POU2F1: variants seen among roughly 807,000 people sequenced by gnomAD.
POU2F1 encodes POU domain, class 2, transcription factor 1.
Under a neutral mutation model 84.9 loss-of-function variants are expected in POU2F1, and 16 were observed. The observed-to-expected ratio is 0.19, with a 90% confidence interval of 0.13 to 0.29. The LOEUF (loss-of-function observed/expected upper bound fraction) is 0.29, where lower values mean the gene tolerates loss of function less well. POU2F1 is among the 10% of genes least tolerant of loss of function. The pLI is 1.00. For synonymous variants in POU2F1, 368 were observed against 368.3 expected (o/e 1.00, Z 0.01); for missense variants, 738 against 942.6 (o/e 0.78, Z 2.84).
chr1:167,335,854 C>T (rs1382613243), intron 2 of POU2F1, among the ~76,000 whole-genome samples: 4 of 152,124 alleles, frequency 2.6e-5, no homozygotes, highest in Non-Finnish European at 4.4e-5. Flanking sequence ...AATGTGTTAG[C>T]TTATCCAGCC....
At chr1:167,380,335 T>C (rs529135244) in intron 7 of POU2F1, 1 of 152,350 alleles carries the variant, frequency 6.6e-6, no homozygotes, top group African/African-American at 2.4e-5. Flanking sequence ...TCCTACATAG[T>C]AACCTTTCTA....
intron 2 of POU2F1, 105 bp downstream of exon 2, chr1:167,332,640 G>T: frequency 1.3e-6 from 1 of 790,906 alleles, no homozygotes; most frequent in African/African-American, 1.7e-5. Flanking sequence ...ACCAATTTGA[G>T]TATTGAGTTG....
rs1339646421 is a variant in POU2F1 at position 167,374,120 on chromosome 1, C to A, written c.415C>A (p.Pro139Thr). ...TGGTTTTGTTTAGCTTACTTTGACG[C>A]CTGCCCAGCAACAGTTACTACTCCA... Reference protein sequence around the residue: ...GGQITGLTLTPAQQQLLLQQA... With the variant: ...GGQITGLTLTTAQQQLLLQQA... The change falls in exon 6 of 16, where the codon CCT becomes ACT. Residue 139 changes from proline to threonine, a missense_variant. By Grantham distance (38) the Pro-to-Thr change is conservative. Transcript: ENST00000367866. 8 of 1,614,012 alleles carry A rather than the reference C, an allele frequency of 5.0e-6. No individual in the cohort carries two copies. The highest frequency in any genetic ancestry group is 6.8e-6 in the Non-Finnish European group (8 of 1,180,026).
At chr1:167,333,895 A>G (rs553072633) in intron 2 of POU2F1, among the ~76,000 whole-genome samples, 1 of 152,256 alleles carries the variant, frequency 6.6e-6, no homozygotes, top group South Asian at 2.1e-4. Flanking sequence ...GGTGTGGGAA[A>G]TGTTTGCAGA....
At chr1:167,269,655 A>G (rs1401197979) in intron 1 of POU2F1, among the ~76,000 whole-genome samples, 3 of 152,302 alleles carry the variant, frequency 2.0e-5, no homozygotes, top group East Asian at 1.9e-4. Flanking sequence ...ACTCACGCCT[A>G]TAATCCCAGC....
chr1:167,319,545 G>A (rs1656165009), intron 1 of POU2F1, among the ~76,000 whole-genome samples: 1 of 151,916 alleles, frequency 6.6e-6, no homozygotes, highest in East Asian at 1.9e-4. Context: ...GAATTACATG[G>A]GATACCAGTA....
chr1:167,234,770 C>T (rs73034552), intron 1 of POU2F1, among the ~76,000 whole-genome samples: 2,881 of 152,186 alleles, frequency 0.019, 86 homozygotes, highest in African/African-American at 0.065. Context: ...GCTAATTACA[C>T]ATGTTAACCT....
intron 4 of POU2F1, among the ~76,000 whole-genome samples, chr1:167,371,553 C>T (rs1279695142): frequency 6.6e-6 from 1 of 152,036 alleles, no homozygotes; most frequent in African/African-American, 2.4e-5. Context: ...TCAGACTGAC[C>T]ACCAGGTGTA....
In POU2F1 at chr1:167,418,202, A is replaced by T. The variant is rs1650429749; in HGVS notation, c.*2392A>T. On this transcript the variant is annotated 3_prime_UTR_variant, in exon 16 of 16. Transcript: ENST00000367866. ...AATTTCTTTTTCATTTGTCTTTATT[A>T]ATTTTATATGAAAGTTGCTGCTTGT... 6.6e-6 allele frequency: 1 copy of T among 152,142 alleles called. No homozygotes were observed. Among genetic ancestry groups the T allele is most frequent in the Admixed American group, 6.5e-5 (1 of 15,272 alleles). 9.4% of individuals were successfully genotyped at this position (152,142 alleles called of 1,614,324 possible).
At chr1:167,387,337 C>A in intron 8 of POU2F1, 2 of 409,710 alleles carry the variant, frequency 4.9e-6, no homozygotes, top group South Asian at 1.7e-5. Context: ...TTAAGACTCA[C>A]CTGTAACTGT....
intron 5 of POU2F1, 26 bp downstream of exon 5, chr1:167,372,062 A>G: frequency 6.3e-7 from 1 of 1,598,052 alleles, no homozygotes; most frequent in South Asian, 1.1e-5. Context: ...GAGAATTATA[A>G]CAAACTTTTT....
chr1:167,360,095 A>G (rs1158760008), intron 2 of POU2F1, among the ~76,000 whole-genome samples: 2 of 151,866 alleles, frequency 1.3e-5, no homozygotes, highest in African/African-American at 4.8e-5. Context: ...ACAGTTTGCT[A>G]ATATTTTCTC....
chr1:167,370,644 T>G (rs1264344580), intron 4 of POU2F1, among the ~76,000 whole-genome samples: 1 of 152,210 alleles, frequency 6.6e-6, no homozygotes, highest in African/African-American at 2.4e-5. Flanking sequence ...GTTTGCATTC[T>G]CATTCTGCCA....
chr1:167,346,313 A>G (rs1022793806), intron 2 of POU2F1, among the ~76,000 whole-genome samples: 1 of 152,216 alleles, frequency 6.6e-6, no homozygotes, highest in Non-Finnish European at 1.5e-5. Context: ...CTCTAAGGTG[A>G]TGTATAAAAG....
At chr1:167,298,563 C>T (rs1654443948) in intron 1 of POU2F1, among the ~76,000 whole-genome samples, 1 of 151,996 alleles carries the variant, frequency 6.6e-6, no homozygotes, top group South Asian at 2.1e-4. Flanking sequence ...AATAAGTAAA[C>T]AAACACTTCC....
At chr1:167,300,327 G>C (rs1436907645) in intron 1 of POU2F1, among the ~76,000 whole-genome samples, 2 of 152,134 alleles carry the variant, frequency 1.3e-5, no homozygotes, top group Admixed American at 1.3e-4. Flanking sequence ...CGTATTCACT[G>C]TTTGGGTTAT....
chr1:167,350,770 G>A lies in POU2F1; in HGVS notation c.128-14697G>A, dbSNP rs569364438. Among the ~76,000 whole-genome samples the A allele has an allele frequency of 6.6e-5, 10 of 152,122 alleles. No homozygotes were observed. In the East Asian group the frequency reaches 1.4e-3, roughly 21 times the overall value. ...TCCCAGCACTTCAGGAGGCTGAGGC[G>A]GGCAGATCACCTGAGGTCGGGAGTT... On this transcript the variant is annotated intron_variant, in intron 2 of 15. Coordinates refer to ENST00000367866, the MANE Select transcript of POU2F1 (RefSeq NM_002697.4).
At chr1:167,377,459 C>A (rs1424252200) in intron 7 of POU2F1, among the ~76,000 whole-genome samples, 2 of 151,998 alleles carry the variant, frequency 1.3e-5, no homozygotes, top group Non-Finnish European at 2.9e-5. Flanking sequence ...TGGTGGCAGG[C>A]GCCTGTAGTC....
intron 1 of POU2F1, among the ~76,000 whole-genome samples, chr1:167,307,739 C>T (rs139978809): frequency 3.9e-5 from 6 of 152,248 alleles, no homozygotes; most frequent in Non-Finnish European, 5.9e-5. Context: ...AGGTTACTAT[C>T]GACTAATCCG....
Sources: gnomAD v4.1 joint callset for allele counts (sites outside exome capture counted in the v4.1 genomes callset) on GRCh38, gnomAD v4.1.1 for gene constraint, MANE v1.5 for transcripts, NCBI Gene and HGNC (gene_info 2026-07-23, HGNC 2026-07-21) for gene names.